PMFBP1: variants seen among roughly 807,000 people sequenced by gnomAD.
PMFBP1 encodes polyamine-modulated factor 1-binding protein 1.
In PMFBP1, 131 loss-of-function variants were observed where a neutral mutation model predicts 137.8. That is an observed-to-expected ratio of 0.95 (90% CI 0.82 to 1.10). The LOEUF (loss-of-function observed/expected upper bound fraction) is 1.10, where lower values mean the gene tolerates loss of function less well. Among genes scored for constraint, PMFBP1 ranks in the 50% least tolerant of loss-of-function variants. The pLI is 0.00. For synonymous variants in PMFBP1, 490 were observed against 450.4 expected (o/e 1.09, Z -1.11); for missense variants, 1,199 against 1,175.4 (o/e 1.02, Z -0.29).
chr16:72,228,854 T>TA, the PMFBP1 span, among the ~76,000 whole-genome samples: 3 of 140,642 alleles, frequency 2.1e-5, no homozygotes, highest in South Asian at 6.6e-4. Flanking sequence ...TTTTTTTTTT[T>TA]ACTTTCCAAC....
chr16:72,146,232 A>G (rs1260463763), intron 5 of PMFBP1, among the ~76,000 whole-genome samples: 1 of 152,230 alleles, frequency 6.6e-6, no homozygotes, highest in Non-Finnish European at 1.5e-5. Context: ...ACGCAAATCA[A>G]TAAACGTAAT....
At position 72,125,417 on chromosome 16, in the gene PMFBP1, G is replaced by C. The variant is rs2042440853; in HGVS notation, c.2254-12C>G. The stretch of plus-strand genomic sequence containing the variant: ...GTCACGTGATTGAGCTTCCGGAAAA[G>C]ACAAAGAGGACGAATGGCTGTCAGA... On this transcript the variant is annotated splice_polypyrimidine_tract_variant and intron_variant, in intron 15 of 20. Coordinates refer to ENST00000237353, the MANE Select transcript of PMFBP1 (RefSeq NM_031293.3). 6.2e-7 allele frequency: 1 copy of C among 1,607,130 alleles called. No individual in the cohort carries two copies.
upstream of PMFBP1, among the ~76,000 whole-genome samples, chr16:72,175,852 A>G (rs1450581232): frequency 6.6e-6 from 1 of 152,204 alleles, no homozygotes; most frequent in African/African-American, 2.4e-5. Context: ...CTCTATTTTT[A>G]AAAATGTGTG....
chr16:72,227,628 T>C, the PMFBP1 span, among the ~76,000 whole-genome samples: 4 of 152,206 alleles, frequency 2.6e-5, no homozygotes, highest in Non-Finnish European at 5.9e-5. Flanking sequence ...CATTCTTCCA[T>C]GTGGATTTAT....
intron 3 of PMFBP1, among the ~76,000 whole-genome samples, chr16:72,163,961 G>A (rs956312934): frequency 6.6e-6 from 1 of 151,694 alleles, no homozygotes; most frequent in Non-Finnish European, 1.5e-5. Context: ...CTACAAATTG[G>A]GTTCAGTGTA....
the PMFBP1 span, among the ~76,000 whole-genome samples, chr16:72,219,554 G>GC: frequency 0.25 from 37,272 of 151,876 alleles, 8,454 homozygotes; most frequent in African/African-American, 0.61. Context: ...AATGTGGGCG[G>GC]GGGGGCCTGT....
intron 5 of PMFBP1, among the ~76,000 whole-genome samples, chr16:72,146,556 T>C (rs778278724): frequency 2.6e-5 from 4 of 152,192 alleles, no homozygotes; most frequent in Admixed American, 6.5e-5. Flanking sequence ...ATAAAGGGTA[T>C]ACAATTAGGA....
the PMFBP1 span, among the ~76,000 whole-genome samples, chr16:72,226,707 A>AAAAC: frequency 4.5e-4 from 69 of 152,310 alleles, no homozygotes; most frequent in Admixed American, 7.2e-4. Context: ...TTGAAATGAT[A>AAAAC]AAACAAACAA....
chr16:72,164,557 G>C (rs2043115145), intron 3 of PMFBP1: 17 of 1,303,816 alleles, frequency 1.3e-5, no homozygotes, highest in Non-Finnish European at 1.8e-5. Flanking sequence ...CTTGGAGATA[G>C]ATGGAAAAGT....
the PMFBP1 span, among the ~76,000 whole-genome samples, chr16:72,238,658 C>T: frequency 6.6e-6 from 1 of 152,150 alleles, no homozygotes; most frequent in African/African-American, 2.4e-5. Flanking sequence ...ATATCAGGAA[C>T]CATAAAGTAC....
the PMFBP1 span, among the ~76,000 whole-genome samples, chr16:72,181,973 A>G: frequency 6.6e-6 from 1 of 152,270 alleles, no homozygotes; most frequent in Non-Finnish European, 1.5e-5. Flanking sequence ...CTAAAAATAA[A>G]AAATAAAAAA....
At chr16:72,226,167 T>C in the PMFBP1 span, among the ~76,000 whole-genome samples, 10 of 152,216 alleles carry the variant, frequency 6.6e-5, no homozygotes, top group Non-Finnish European at 1.0e-4. Context: ...CCAATCCAAC[T>C]GGCCCAGGCT....
At chr16:72,177,171 A>G (rs571082135), upstream of PMFBP1, among the ~76,000 whole-genome samples, 14 of 152,306 alleles carry the variant, frequency 9.2e-5, no homozygotes, top group African/African-American at 2.6e-4. Flanking sequence ...AATTCTCCCA[A>G]TTGGTTGCTC....
At chr16:72,194,766 T>C in the PMFBP1 span, among the ~76,000 whole-genome samples, 1 of 152,200 alleles carries the variant, frequency 6.6e-6, no homozygotes, top group African/African-American at 2.4e-5. Flanking sequence ...AAGGCACTGT[T>C]GGTGTTCTAG....
intron 3 of PMFBP1, among the ~76,000 whole-genome samples, chr16:72,159,192 C>T (rs1198824157): frequency 6.6e-6 from 1 of 152,174 alleles, no homozygotes; most frequent in Non-Finnish European, 1.5e-5. Context: ...TAAAAGAAGT[C>T]AAACTCTCTC....
At chr16:72,180,493 C>T (rs1355946130), upstream of PMFBP1, among the ~76,000 whole-genome samples, 1 of 152,164 alleles carries the variant, frequency 6.6e-6, no homozygotes, top group Non-Finnish European at 1.5e-5. Context: ...ACTGAAGCCG[C>T]AGCAATGTGT....
chr16:72,119,444 C>A, intron 20 of PMFBP1, 90 bp from the exon 21 acceptor site: 1 of 1,610,084 alleles, frequency 6.2e-7, no homozygotes, highest in East Asian at 2.2e-5. Flanking sequence ...CCAGGCAGCT[C>A]TGCTGCAGGG....
chr16:72,174,011 G>A (rs2043244196), upstream of PMFBP1: 2 of 152,136 alleles, frequency 1.3e-5, no homozygotes, highest in South Asian at 4.1e-4. Flanking sequence ...CTCCTTTTTT[G>A]TATTCAAAAC....
the PMFBP1 span, among the ~76,000 whole-genome samples, chr16:72,207,718 G>C: frequency 6.6e-6 from 1 of 151,248 alleles, no homozygotes; most frequent in Admixed American, 6.6e-5. Flanking sequence ...GCATGTGTGT[G>C]TGTGTGTGTG....
Sources: gnomAD v4.1 joint callset for allele counts (sites outside exome capture counted in the v4.1 genomes callset) on GRCh38, gnomAD v4.1.1 for gene constraint, MANE v1.5 for transcripts, NCBI Gene and HGNC (gene_info 2026-07-23, HGNC 2026-07-21) for gene names.